UBXN1: variants seen among roughly 807,000 people sequenced by gnomAD.
UBXN1 encodes UBX domain-containing protein 1.
Under a neutral mutation model 42.0 loss-of-function variants are expected in UBXN1, and 21 were observed. The ratio of observed to expected loss-of-function variants is 0.50; its 90% CI spans 0.35 to 0.72. The LOEUF (loss-of-function observed/expected upper bound fraction) is 0.72. Among genes scored for constraint, UBXN1 ranks in the 30% least tolerant of loss-of-function variants. UBXN1 has a pLI of 0.00. For synonymous variants in UBXN1, 172 were observed against 142.6 expected (o/e 1.21, Z -1.47); for missense variants, 374 against 382.2 (o/e 0.98, Z 0.18).
chr11:62,678,420 C>T lies in UBXN1; in HGVS notation c.221-12G>A, dbSNP rs985208179. On this transcript the variant is annotated splice_polypyrimidine_tract_variant and intron_variant, in intron 3 of 8. Transcript: ENST00000301935. ...AGCAGAACCAGATCCTACAAACAAACAATCGGTATTATTATCCCTTCAGAT... is the reference window on the plus strand; with the variant it reads ...AGCAGAACCAGATCCTACAAACAAATAATCGGTATTATTATCCCTTCAGAT... 1 of 1,613,362 alleles carries T rather than the reference C, an allele frequency of 6.2e-7. No homozygotes were observed. The highest frequency in any genetic ancestry group is 8.5e-7 in the Non-Finnish European group (1 of 1,179,526).
intron 5 of UBXN1, 21 bp from the exon 6 acceptor site, chr11:62,677,853 A>G: frequency 6.2e-7 from 1 of 1,614,204 alleles, no homozygotes; most frequent in Non-Finnish European, 8.5e-7. Context: ...GACAAGAAGA[A>G]ATTAGGTCAG....
chr11:62,676,965 C>A lies in UBXN1; in HGVS notation c.692G>T (p.Arg231Leu), dbSNP rs753645576. The part of the protein sequence containing the change: ...PDGTSLTQTF[R>L]AREQLAAVRL... ...CACAGCTGCCAGCTGTTCCCGGGCC[C>A]GGAACGTCTGGGTCAGTGAGGTCCC... Residue 231 changes from arginine (R) to leucine (L), a missense_variant, in exon 8 of 9, where the codon CGG (arginine) becomes CTG (leucine). Coordinates refer to ENST00000301935, the MANE Select transcript of UBXN1 (RefSeq NM_001286077.2). The A allele has an allele frequency of 1.2e-6, 2 of 1,612,006 alleles. No individual in the cohort carries two copies. Among genetic ancestry groups the A allele is most frequent in the Admixed American group, 1.7e-5 (1 of 60,004 alleles).
chr11:62,678,783 G>A (rs1459187887), intron 1 of UBXN1, 40 bp from the exon 2 acceptor site: 5 of 1,612,836 alleles, frequency 3.1e-6, no homozygotes, highest in Middle Eastern at 1.7e-4. Context: ...CACGAGCCAT[G>A]GTGACGGTCA....
intron 4 of UBXN1, 85 bp downstream of exon 4, chr11:62,678,254 G>A (rs1945068293): frequency 6.2e-7 from 1 of 1,605,874 alleles, no homozygotes; most frequent in Non-Finnish European, 8.5e-7. Context: ...GAGGAAATGT[G>A]GAAAGGTCAA....
In UBXN1 at chr11:62,677,775, A is replaced by G. The variant is rs1163639604; in HGVS notation, c.534+6T>C. The G allele has an allele frequency of 6.2e-7, 1 of 1,614,140 alleles. No individual in the cohort carries two copies. Among genetic ancestry groups the G allele is most frequent in the Non-Finnish European group, 8.5e-7 (1 of 1,180,024 alleles). On this transcript the variant is annotated splice_donor_region_variant and intron_variant, in intron 6 of 8. Transcript: ENST00000301935. ...CATTACCCGTGGCGTCTTCTCAGTC[A>G]CCTACCTTCTTGGCTCTCTCTGCTT...
rs753944256 is a variant in UBXN1 at position 62,677,998 on chromosome 11, C to G, written c.411G>C (p.Arg137=). Reference sequence around the variant, plus strand: ...CCCGGCGCATCTCATCTTCCTGTAGCCGCTGTCGTGCTGCTGACAACTCTT... The same window carrying G: ...CCCGGCGCATCTCATCTTCCTGTAGGCGCTGTCGTGCTGCTGACAACTCTT... ...QGQELSAARQ[R]LQEDEMRRAA... The change falls in exon 5 of 9, where the codon CGG becomes CGC. Residue 137 remains arginine (R), a synonymous_variant. Transcript: ENST00000301935. The G allele has an allele frequency of 3.7e-6, 6 of 1,614,138 alleles. No homozygotes were observed. In the South Asian group the frequency reaches 4.4e-5, roughly 12 times the overall value.
chr11:62,677,197 C>T, intron 7 of UBXN1, 192 bp from the exon 8 acceptor site: 1 of 651,886 alleles, frequency 1.5e-6, no homozygotes, highest in Non-Finnish European at 2.6e-6. Context: ...AGCTCCCTCA[C>T]AACCTAAGAA....
Position 62,676,537 on chromosome 11 carries a change from C to A in UBXN1, c.*53G>T. ...GGTCTATTTATTAGGAAGGAGATGTCAGTGCTTTATCAAAGATGAAGGGGT... is the reference window on the plus strand; with the variant it reads ...GGTCTATTTATTAGGAAGGAGATGTAAGTGCTTTATCAAAGATGAAGGGGT... On this transcript the variant is annotated 3_prime_UTR_variant, in exon 9 of 9. Transcript: ENST00000301935. 1 of 1,536,778 alleles carries A rather than the reference C, an allele frequency of 6.5e-7. No individual in the cohort carries two copies. The highest frequency in any genetic ancestry group is 1.2e-5 in the South Asian group (1 of 85,108).
At chr11:62,678,660 A>G in intron 2 of UBXN1, 30 bp downstream of exon 2, 21 of 532,226 alleles carry the variant, frequency 3.9e-5, no homozygotes, top group Non-Finnish European at 5.9e-5. Flanking sequence ...GCCAGCCCCC[A>G]ATTCTCCGCC....
intron 7 of UBXN1, chr11:62,677,268 T>G: frequency 1.6e-6 from 1 of 613,362 alleles, no homozygotes; most frequent in East Asian, 2.8e-5. Context: ...GATAGCTACA[T>G]AATAAACCAA....
Position 62,676,826 on chromosome 11 carries a change from A to T in UBXN1, c.831T>A (p.Pro277=). ...TTGCAGCCATACCCAGCTCCTGCAG[A>T]GGCCGCTCCATGTCAGCTTCTGAGA... ...RAFSEADMER[P]LQELGLVPSA... The change falls in exon 8 of 9, where the codon CCT becomes CCA. Residue 277 remains proline, a synonymous_variant. Transcript: ENST00000301935. The T allele has an allele frequency of 6.2e-7, 1 of 1,614,132 alleles. No individual in the cohort carries two copies. Among genetic ancestry groups the T allele is most frequent in the Non-Finnish European group, 8.5e-7 (1 of 1,180,032 alleles).
rs377204202 is a variant in UBXN1 at position 62,678,153 on chromosome 11, G to C, written c.291-35C>G. On this transcript the variant is annotated intron_variant, in intron 4 of 8. Coordinates refer to ENST00000301935, the MANE Select transcript of UBXN1 (RefSeq NM_001286077.2). Reference sequence around the variant, plus strand: ...CGAGGGAAAACAGTTCAAGAGAAATGGACAGAGTGGGAAGGTGTAAAGTTT... The same window carrying C: ...CGAGGGAAAACAGTTCAAGAGAAATCGACAGAGTGGGAAGGTGTAAAGTTT... The C allele has an allele frequency of 6.0e-4, 961 of 1,611,130 alleles. 1 individual carries two copies. Among genetic ancestry groups the C allele is most frequent in the South Asian group, 7.9e-4 (72 of 90,966 alleles).
At chr11:62,677,351 G>A (rs1590859126) in intron 7 of UBXN1, 167 bp downstream of exon 7, 2 of 732,664 alleles carry the variant, frequency 2.7e-6, no homozygotes, top group East Asian at 5.0e-5. Flanking sequence ...AACTGGGGCA[G>A]GTGAAATTTG....
intron 2 of UBXN1, 44 bp downstream of exon 2, chr11:62,678,646 T>G: frequency 3.1e-4 from 248 of 810,606 alleles, no homozygotes; most frequent in Non-Finnish European, 3.8e-4. Flanking sequence ...AGGCTGCCCC[T>G]CCCGCCAGCC....
At chr11:62,678,649 C>G in intron 2 of UBXN1, 41 bp downstream of exon 2, 8 of 1,603,778 alleles carry the variant, frequency 5.0e-6, no homozygotes, top group Non-Finnish European at 6.0e-6. Context: ...CTGCCCCTCC[C>G]GCCAGCCCCC....
chr11:62,678,441 C>G (rs1163918543), intron 3 of UBXN1, 33 bp from the exon 4 acceptor site: 3 of 1,613,996 alleles, frequency 1.9e-6, no homozygotes, highest in Non-Finnish European at 2.5e-6. Context: ...ATTATCCCTT[C>G]AGATTCTCCT....
Position 62,679,037 on chromosome 11 carries a change from AC to A in UBXN1, c.-115del. The A allele has an allele frequency of 8.4e-7, 1 of 1,193,098 alleles. No homozygotes were observed. The highest frequency in any genetic ancestry group is 1.4e-5 in the South Asian group (1 of 69,994). 73.9% of individuals were successfully genotyped at this position (1,193,098 alleles called of 1,614,324 possible). On this transcript the variant is annotated 5_prime_UTR_variant, in exon 1 of 9. Transcript: ENST00000301935. ...CCCGCCGACGGGCGCTCGCTCTCTC[AC>A]CCGGCTCTATAGCAGCCGGGAACAC...
chr11:62,676,785 G>A, intron 8 of UBXN1, 28 bp downstream of exon 8: 1 of 1,614,090 alleles, frequency 6.2e-7, no homozygotes, highest in Non-Finnish European at 8.5e-7. Flanking sequence ...CCAGTTTCTA[G>A]TCCTGGTTTC....
Sources: gnomAD v4.1 joint callset for allele counts on GRCh38, gnomAD v4.1.1 for gene constraint, MANE v1.5 for transcripts, NCBI Gene and HGNC (gene_info 2026-07-23, HGNC 2026-07-21) for gene names.